FGA: variants seen among roughly 807,000 people sequenced by gnomAD.
FGA encodes the protein fibrinogen alpha chain.
In FGA, 20 loss-of-function variants were observed where a neutral mutation model predicts 20.3. The ratio of observed to expected loss-of-function variants is 0.99; its 90% CI spans 0.69 to 1.43. The LOEUF (loss-of-function observed/expected upper bound fraction) is 1.43, where lower values mean the gene tolerates loss of function less well. Among genes scored for constraint, FGA ranks in the 40% most tolerant of loss-of-function variants. FGA has a pLI of 0.00. For missense variants in FGA, 777 were observed against 784.7 expected (o/e 0.99, Z 0.12); for synonymous variants, 306 against 281.6 (o/e 1.09, Z -0.87).
chr4:154,587,789 AAG>A lies in FGA; in HGVS notation c.365-134_365-133del, dbSNP rs1730772747. The A allele has an allele frequency of 4.1e-6, 3 of 725,340 alleles. No individual in the cohort carries two copies. In the Admixed American group the frequency reaches 8.1e-5, roughly 19 times the overall value. 44.9% of individuals were successfully genotyped at this position (725,340 alleles called of 1,614,324 possible). A position where few individuals can be genotyped will look rare whatever the true frequency, so the allele number is the denominator to read the frequency against. ...AAAGAAAGAAAGAAAGAAAGAAAGA[AAG>A]AAAGAAAGAAAGAGAAAAAAGAAAG... On this transcript the variant is annotated intron_variant, in intron 3 of 4. Transcript: ENST00000403106.
At position 154,585,500 on chromosome 4, in the gene FGA, G is replaced by A; in HGVS notation, c.1929C>T (p.Ser643=). The A allele has an allele frequency of 6.3e-7, 1 of 1,577,596 alleles. No homozygotes were observed. The highest frequency in any genetic ancestry group is 8.7e-7 in the Non-Finnish European group (1 of 1,146,704). The change falls in exon 5 of 5, where the codon TCC becomes TCT. Residue 643 remains serine (S), a synonymous_variant. Coordinates refer to ENST00000403106, the MANE Select transcript of FGA (RefSeq NM_021871.4). ...HTSPLGKPSL[S]P ...CAGAAATATTTAACTTAGTCTAGGGGGACAGGGAAGGCTTCCCCAAAGGAG... is the reference window on the plus strand; with the variant it reads ...CAGAAATATTTAACTTAGTCTAGGGAGACAGGGAAGGCTTCCCCAAAGGAG...
chr4:154,584,953 T>C, downstream of FGA: 1 of 853,576 alleles, frequency 1.2e-6, no homozygotes, highest in Non-Finnish European at 1.9e-6. Context: ...TTCTTCCTCC[T>C]TTCCTTCCCT....
At chr4:154,583,992 A>G, downstream of FGA, 2 of 700,376 alleles carry the variant, frequency 2.9e-6, no homozygotes, top group East Asian at 5.8e-5. Flanking sequence ...ATTTAGCTAC[A>G]GTACAAAGGA....
At chr4:154,590,461 A>T (rs1477358276) in intron 1 of FGA, among the ~76,000 whole-genome samples, 173 bp downstream of exon 1, 1 of 152,204 alleles carries the variant, frequency 6.6e-6, no homozygotes, top group East Asian at 1.9e-4. Flanking sequence ...TCTTGGTGTC[A>T]TATTACCCTG....
At position 154,586,048 on chromosome 4, in the gene FGA, A is replaced by T. The variant is rs1257381737; in HGVS notation, c.1381T>A (p.Cys461Ser). Residue 461 changes from cysteine to serine, a missense_variant, in exon 5 of 5, where the codon TGC becomes AGC. Transcript: ENST00000403106. ...SGSTTTTRRS[C>S]SKTVTKTVIG... ...ACAGTCTTAGTAACGGTTTTAGAGC[A>T]TGAACGACGCGTGGTGGTTGTGCTA... 3 of 1,614,066 alleles carry T rather than the reference A, an allele frequency of 1.9e-6. No individual in the cohort carries two copies. The highest frequency in any genetic ancestry group is 2.5e-6 in the Non-Finnish European group (3 of 1,180,018).
chr4:154,586,898 G>A lies in FGA; in HGVS notation c.531C>T (p.Ile177=). The A allele has an allele frequency of 6.2e-7, 1 of 1,613,824 alleles. No homozygotes were observed. The highest frequency in any genetic ancestry group is 8.5e-7 in the Non-Finnish European group (1 of 1,179,968). Residue 177 remains isoleucine, a synonymous_variant, in exon 5 of 5, where the codon ATC becomes ATT. Coordinates refer to ENST00000403106, the MANE Select transcript of FGA (RefSeq NM_021871.4). ...KRLEVDIDIK[I]RSCRGSCSRA... ...TACTGCATGACCCTCGACAAGATCG[G>A]ATCTTAATATCAATGTCCACCTAGA...
At chr4:154,590,534 G>T in intron 1 of FGA, 100 bp downstream of exon 1, 1 of 1,021,686 alleles carries the variant, frequency 9.8e-7, no homozygotes, top group South Asian at 1.4e-5. Flanking sequence ...ATAAAGCTAA[G>T]AGTGTGTCAG....
At position 154,586,819 on chromosome 4, in the gene FGA, G is replaced by A. The variant is rs368087726; in HGVS notation, c.610C>T (p.Leu204Phe). The A allele has an allele frequency of 2.0e-5, 32 of 1,614,016 alleles. No individual in the cohort carries two copies. Among genetic ancestry groups the A allele is most frequent in the Admixed American group, 1.0e-4 (6 of 59,992 alleles). Residue 204 changes from leucine (L) to phenylalanine (F), a missense_variant, in exon 5 of 5, where the codon CTT becomes TTT. By Grantham distance (22) the Leu-to-Phe change is conservative. Transcript: ENST00000403106. The stretch of plus-strand genomic sequence containing the variant: ...AAGTCTTTGGCAATGACCTGTTCAA[G>A]TTGCTTCTGCTGATCTTCATAGTCC... ...LKDYEDQQKQ[L>F]EQVIAKDLLP...
In FGA at chr4:154,585,797, A is replaced by T; in HGVS notation, c.1632T>A (p.Thr544=). The change falls in exon 5 of 5, where the codon ACT becomes ACA. Residue 544 remains threonine (T), a synonymous_variant. Coordinates refer to ENST00000403106, the MANE Select transcript of FGA (RefSeq NM_021871.4). ...SPMLGEFVSE[T]ESRGSESGIF... Reference sequence around the variant, plus strand: ...TGCCAGATTCTGAGCCCCTAGACTCAGTCTCACTGACAAACTCTCCTAACA... The same window carrying T: ...TGCCAGATTCTGAGCCCCTAGACTCTGTCTCACTGACAAACTCTCCTAACA... 1 of 1,614,202 alleles carries T rather than the reference A, an allele frequency of 6.2e-7. No individual in the cohort carries two copies.
At position 154,585,373 on chromosome 4, in the gene FGA, G is replaced by A; in HGVS notation, c.*121C>T. 9.6e-7 allele frequency: 1 copy of A among 1,045,888 alleles called. No homozygotes were observed. Among genetic ancestry groups the A allele is most frequent in the Non-Finnish European group, 1.4e-6 (1 of 723,194 alleles). The allele number at this position is 1,045,888 out of a possible 1,614,324, so 64.8% of individuals were successfully genotyped here. On this transcript the variant is annotated 3_prime_UTR_variant, in exon 5 of 5. Transcript: ENST00000403106. ...AGACAGACAAAGGCCCTGCCCCCAA[G>A]GAACTTACAGTCTAGCACAAAAACA...
At chr4:154,585,164 T>C, downstream of FGA, 2 of 1,087,928 alleles carry the variant, frequency 1.8e-6, no homozygotes, top group Non-Finnish European at 2.4e-6. Context: ...AAATGTCAAC[T>C]GAGACACATA....
In FGA at chr4:154,585,703, A is replaced by G. The variant is rs1730690341; in HGVS notation, c.1726T>C (p.Ser576Pro). The G allele has an allele frequency of 6.2e-7, 1 of 1,614,156 alleles. No homozygotes were observed. Among genetic ancestry groups the G allele is most frequent in the Non-Finnish European group, 8.5e-7 (1 of 1,180,000 alleles). The part of the protein sequence containing the change: ...GIAEFPSRGK[S>P]SSYSKQFTSS... The stretch of plus-strand genomic sequence containing the variant: ...GTAAATTGTTTGCTGTAACTTGAAG[A>G]TTTACCACGGGAAGGGAATTCAGCT... The change falls in exon 5 of 5, where the codon TCT becomes CCT. Residue 576 changes from serine to proline, a missense_variant. Coordinates refer to ENST00000403106, the MANE Select transcript of FGA (RefSeq NM_021871.4).
chr4:154,584,409 C>T (rs779432672), downstream of FGA: 150 of 1,614,178 alleles, frequency 9.3e-5, 1 homozygote, highest in East Asian at 2.2e-5. Context: ...CTGCCCCTTC[C>T]TCTACGGAAC....
chr4:154,590,694 T>G lies in FGA; in HGVS notation c.-7A>C. On this transcript the variant is annotated 5_prime_UTR_variant, in exon 1 of 5. Coordinates refer to ENST00000403106, the MANE Select transcript of FGA (RefSeq NM_021871.4). ...CGATCCTCATGGAAAACATCTTTTC[T>G]AAGGGTGGGGCTGGCTCCTGAGGAG... 6.4e-7 allele frequency: 1 copy of G among 1,554,066 alleles called. No homozygotes were observed. The highest frequency in any genetic ancestry group is 8.7e-7 in the Non-Finnish European group (1 of 1,147,944).
Position 154,589,527 on chromosome 4 carries a change from T to A in FGA, c.90A>T (p.Glu30Asp). ...ADSGEGDFLAEGGGVRGPRVV... is the reference protein window; with the variant it reads ...ADSGEGDFLADGGGVRGPRVV... ...CCCTTGGGCCACGCACGCCTCCTCC[T>A]TCAGCTAGAAAGTCACCTTCACCAC... The change falls in exon 2 of 5, where the codon GAA becomes GAT. Residue 30 changes from glutamate (E) to aspartate (D), a missense_variant. Coordinates refer to ENST00000403106, the MANE Select transcript of FGA (RefSeq NM_021871.4). 1 of 1,613,862 alleles carries A rather than the reference T, an allele frequency of 6.2e-7. No individual in the cohort carries two copies. Among genetic ancestry groups the A allele is most frequent in the Non-Finnish European group, 8.5e-7 (1 of 1,179,962 alleles).
At chr4:154,589,107 G>T in intron 2 of FGA, 131 bp from the exon 3 acceptor site, 1 of 823,446 alleles carries the variant, frequency 1.2e-6, no homozygotes, top group South Asian at 1.5e-5. Flanking sequence ...AAGTAGGTAA[G>T]AGGACTAGTT....
chr4:154,586,924 G>T lies in FGA; in HGVS notation c.511-6C>A, dbSNP rs771327007. The T allele has an allele frequency of 3.1e-6, 5 of 1,612,574 alleles. No individual in the cohort carries two copies. The highest frequency in any genetic ancestry group is 3.4e-6 in the Non-Finnish European group (4 of 1,179,576). On this transcript the variant is annotated splice_region_variant and splice_polypyrimidine_tract_variant and intron_variant, in intron 4 of 4. Transcript: ENST00000403106. ...ATCTTAATATCAATGTCCACCTAGAGAGAGGGGAGAAAAATAAAGAGAAAA... is the reference window on the plus strand; with the variant it reads ...ATCTTAATATCAATGTCCACCTAGATAGAGGGGAGAAAAATAAAGAGAAAA...
intron 3 of FGA, among the ~76,000 whole-genome samples, 184 bp from the exon 4 acceptor site, chr4:154,587,841 C>T (rs910497026): frequency 2.6e-5 from 4 of 151,496 alleles, no homozygotes; most frequent in African/African-American, 9.7e-5. Context: ...GTAAATATGC[C>T]TAATTTTATT....
downstream of FGA, chr4:154,583,136 T>C (rs1439717413): frequency 6.6e-6 from 1 of 152,194 alleles, no homozygotes; most frequent in East Asian, 1.9e-4. Context: ...TTGCTTGGGA[T>C]ATTTTAATAC....
Sources: allele counts gnomAD v4.1 joint callset (sites outside exome capture counted in the v4.1 genomes callset), GRCh38; gene constraint gnomAD v4.1.1; transcripts MANE v1.5; gene names NCBI Gene and HGNC (gene_info 2026-07-23, HGNC 2026-07-21).